ARID1B: variants seen among roughly 807,000 people sequenced by gnomAD.
ARID1B encodes AT-rich interaction domain 1B, also known as AT-rich interactive domain-containing protein 1B.
In ARID1B, 30 loss-of-function variants were observed where a neutral mutation model predicts 212.3. The ratio of observed to expected loss-of-function variants is 0.14; its 90% CI spans 0.11 to 0.19. The LOEUF is 0.19. Ranked by LOEUF, ARID1B falls within the 10% of genes least tolerant of loss-of-function variation. ARID1B has a pLI of 1.00. For synonymous variants in ARID1B, 1,402 were observed against 1,301.7 expected, an observed-to-expected ratio of 1.08 and a Z score of -1.66; for missense variants, 2,891 against 3,204.0, an observed-to-expected ratio of 0.90 and a Z score of 2.36.
chr6:156,799,050 A>G (rs1053321724), intron 1 of ARID1B, among the ~76,000 whole-genome samples: 4 of 152,042 alleles, frequency 2.6e-5, no homozygotes, highest in South Asian at 2.1e-4. Flanking sequence ...TTAAATTTCA[A>G]CTCGTGTACA....
intron 2 of ARID1B, among the ~76,000 whole-genome samples, chr6:156,832,751 A>AT (rs1200847851): frequency 1.3e-5 from 2 of 151,978 alleles, no homozygotes; most frequent in South Asian, 4.2e-4. Context: ...ATCACTGTTT[A>AT]TTTTTTGTCT....
chr6:156,800,820 C>T (rs980299035), intron 1 of ARID1B, among the ~76,000 whole-genome samples: 14 of 152,042 alleles, frequency 9.2e-5, no homozygotes, highest in African/African-American at 3.1e-4. Flanking sequence ...GGTGGAGGAT[C>T]ACCTGAGCTC....
chr6:157,043,650 A>G (rs1357113271), intron 4 of ARID1B, among the ~76,000 whole-genome samples: 1 of 151,710 alleles, frequency 6.6e-6, no homozygotes, highest in Non-Finnish European at 1.5e-5. Flanking sequence ...AGAGCATAAA[A>G]TGTGTGATAT....
At chr6:157,069,150 C>T (rs947458901) in intron 4 of ARID1B, among the ~76,000 whole-genome samples, 3 of 152,108 alleles carry the variant, frequency 2.0e-5, no homozygotes, top group African/African-American at 7.2e-5. Flanking sequence ...TGTGAGGCCC[C>T]TTAACATCTG....
chr6:156,894,426 C>T (rs575834401), intron 2 of ARID1B, among the ~76,000 whole-genome samples: 58 of 152,180 alleles, frequency 3.8e-4, no homozygotes, highest in African/African-American at 1.3e-3. Flanking sequence ...TGTGAATGTA[C>T]TTATGCATCA....
At chr6:157,019,348 T>C (rs925972099) in intron 4 of ARID1B, among the ~76,000 whole-genome samples, 5 of 152,178 alleles carry the variant, frequency 3.3e-5, no homozygotes, top group Admixed American at 6.5e-5. Context: ...ATGATGTTTA[T>C]AGCCAGCATC....
At position 157,028,141 on chromosome 6, in the gene ARID1B, A is replaced by G. The variant is rs113158145; in HGVS notation, c.2248-56521A>G. ...AATGGCATTGAATTATGACCAAATTATATCACATAATGCAAGATAAATATT... is the reference window on the plus strand; with the variant it reads ...AATGGCATTGAATTATGACCAAATTGTATCACATAATGCAAGATAAATATT... On this transcript the variant is annotated intron_variant, in intron 4 of 19. Transcript: ENST00000636930. 5.6e-3 allele frequency among the ~76,000 whole-genome samples: 851 copies of G among 152,312 alleles called. 14 individuals carry two copies. Among genetic ancestry groups the G allele is most frequent in the African/African-American group, 0.02 (818 of 41,548 alleles).
chr6:157,017,136 C>A (rs1026708960), intron 4 of ARID1B, among the ~76,000 whole-genome samples: 7 of 152,190 alleles, frequency 4.6e-5, no homozygotes, highest in Non-Finnish European at 1.0e-4. Flanking sequence ...TCTAGACAAA[C>A]CTACACCAAA....
intron 4 of ARID1B, among the ~76,000 whole-genome samples, chr6:156,986,715 A>G (rs1583083075): frequency 6.6e-6 from 1 of 152,178 alleles, no homozygotes; most frequent in East Asian, 1.9e-4. Flanking sequence ...TTCTACACAG[A>G]CTACAGTATA....
rs374603411 is a variant in ARID1B, at chr6:156,943,481, T to TTA, written c.2247+7905_2247+7906insTA. 3 of 139,402 alleles carry TTA rather than the reference T, an allele frequency of 2.2e-5. No homozygotes were observed. The East Asian group carries it at 6.1e-4, about 29-fold the overall frequency. The allele number at this position is 139,402 out of a possible 1,614,324, so 8.6% of individuals were successfully genotyped here. On this transcript the variant is annotated intron_variant, in intron 4 of 19. Transcript: ENST00000636930. ...CTACTTTTCTTCATAATGCATTCTT[T>TTA]AAAAAAAAAAAAAAAGCATGTTGGT...
At chr6:157,082,449 C>T (rs1001999371) in intron 4 of ARID1B, among the ~76,000 whole-genome samples, 1 of 152,190 alleles carries the variant, frequency 6.6e-6, no homozygotes, top group African/African-American at 2.4e-5. Flanking sequence ...CCATGCATCT[C>T]ACGTGCCCTT....
Position 156,777,955 on chromosome 6 carries a change from C to T in ARID1B, c.275C>T (p.Ala92Val). ...ATGGCCCATAACGCGGGCGCCGCGGCCGCCGCCGGCACCCACAGCGCCAAG... is the reference window on the plus strand; with the variant it reads ...ATGGCCCATAACGCGGGCGCCGCGGTCGCCGCCGGCACCCACAGCGCCAAG... ...LNMAHNAGAA[A>V]AAGTHSAKSG... The change falls in exon 1 of 20, where the codon GCC becomes GTC. Residue 92 changes from alanine (A) to valine (V), a missense_variant. By Grantham distance (64) the Ala-to-Val change is moderately conservative (BLOSUM62 0). Around this residue, in one of 7 missense-constraint regions of ARID1B, gnomAD observed 1,643 missense variants for 1,544.0 expected, o/e 1.06. Transcript: ENST00000636930. 2 of 1,529,572 alleles carry T rather than the reference C, an allele frequency of 1.3e-6. No homozygotes were observed. The highest frequency in any genetic ancestry group is 1.7e-6 in the Non-Finnish European group (2 of 1,144,610). The allele number at this position is 1,529,572 out of a possible 1,614,324, so 94.8% of individuals were successfully genotyped here.
Position 157,123,740 on chromosome 6 carries a change from A to G in ARID1B, c.2582-9288A>G, listed in dbSNP as rs1787938802. ...GTGGATTGCATTAAAAATAATATGAATAATAGTAGCTATCATTTATTAAAC... is the reference window on the plus strand; with the variant it reads ...GTGGATTGCATTAAAAATAATATGAGTAATAGTAGCTATCATTTATTAAAC... On this transcript the variant is annotated intron_variant, in intron 6 of 19. Coordinates refer to ENST00000636930, the MANE Select transcript of ARID1B (RefSeq NM_001374828.1). 2.0e-5 allele frequency among the ~76,000 whole-genome samples: 3 copies of G among 152,380 alleles called. 1 individual carries two copies. The South Asian group carries it at 6.2e-4, about 32-fold the overall frequency.
Position 157,208,323 on chromosome 6 carries a change from CTA to C in ARID1B, c.*434_*435del, listed in dbSNP as rs1794614263. On this transcript the variant is annotated 3_prime_UTR_variant, in exon 20 of 20. Coordinates refer to ENST00000636930, the MANE Select transcript of ARID1B (RefSeq NM_001374828.1). Reference sequence around the variant, plus strand: ...AAAAAGGTGAAAAATTATCCATTTCCTATGCGTTTTACTCCTCAGAGAATGAA... The same window carrying C: ...AAAAAGGTGAAAAATTATCCATTTCCTGCGTTTTACTCCTCAGAGAATGAA... 4.3e-6 allele frequency: 1 copy of C among 234,402 alleles called. No homozygotes were observed. Among genetic ancestry groups the C allele is most frequent in the Admixed American group, 5.6e-5 (1 of 17,780 alleles). The allele number at this position is 234,402 out of a possible 1,614,324, so 14.5% of individuals were successfully genotyped here.
intron 8 of ARID1B, 97 bp from the exon 9 acceptor site, chr6:157,166,943 C>G (rs567368085): frequency 6.8e-6 from 10 of 1,475,870 alleles, no homozygotes; most frequent in Middle Eastern, 1.8e-4. Context: ...TATAGCCCCA[C>G]CCCTTACATA....
chr6:156,952,750 A>G (rs898991222), intron 4 of ARID1B, among the ~76,000 whole-genome samples: 1 of 152,212 alleles, frequency 6.6e-6, no homozygotes, highest in Non-Finnish European at 1.5e-5. Context: ...TGAGCCTAAA[A>G]CCATACAAGA....
At chr6:156,879,933 C>T (rs6557512) in intron 2 of ARID1B, among the ~76,000 whole-genome samples, 42,829 of 152,138 alleles carry the variant, frequency 0.28, 6,207 homozygotes, top group Non-Finnish European at 0.33. Context: ...AAATCTCAAA[C>T]CCTTTCTGCA....
intron 3 of ARID1B, among the ~76,000 whole-genome samples, chr6:156,932,267 C>T (rs753102759): frequency 2.6e-5 from 4 of 151,820 alleles, no homozygotes; most frequent in African/African-American, 4.8e-5. Flanking sequence ...ACCTTTGACT[C>T]GTAACATAAA....
chr6:156,831,713 ACT>A (rs1783153641), intron 2 of ARID1B, among the ~76,000 whole-genome samples: 1 of 152,174 alleles, frequency 6.6e-6, no homozygotes, highest in Admixed American at 6.5e-5. Flanking sequence ...AAATCCAATG[ACT>A]CTTAGATTTA....
Sources: allele counts gnomAD v4.1 joint callset (sites outside exome capture counted in the v4.1 genomes callset), GRCh38; gene constraint gnomAD v4.1.1; regional missense constraint gnomAD v4.1.1; transcripts MANE v1.5; gene names NCBI Gene and HGNC (gene_info 2026-07-23, HGNC 2026-07-21).